EXOG: variants seen among roughly 807,000 people sequenced by gnomAD.
EXOG encodes exo/endonuclease G, also known as nuclease EXOG, mitochondrial.
EXOG carries 27 observed loss-of-function variants against 25.8 expected under a neutral mutation model. That is an observed-to-expected ratio of 1.05 (90% CI 0.77 to 1.45). The LOEUF (loss-of-function observed/expected upper bound fraction) is 1.45. Among genes scored for constraint, EXOG ranks in the 40% most tolerant of loss-of-function variants. The pLI is 0.00. For synonymous variants in EXOG, 133 were observed against 167.0 expected, an observed-to-expected ratio of 0.80 and a Z score of 1.57; for missense variants, 458 against 450.5, an observed-to-expected ratio of 1.02 and a Z score of -0.15.
intron 5 of EXOG, chr3:38,523,076 A>G (rs1156732907): frequency 6.2e-6 from 3 of 480,314 alleles, no homozygotes; most frequent in Non-Finnish European, 1.2e-5. Context: ...GATCCTGGAG[A>G]TGGTAATGTT....
intron 5 of EXOG, among the ~76,000 whole-genome samples, chr3:38,520,264 G>A (rs1158701199): frequency 6.6e-6 from 1 of 152,136 alleles, no homozygotes; most frequent in Non-Finnish European, 1.5e-5. Flanking sequence ...GCTCAGGCCA[G>A]TATATAAGAA....
intron 4 of EXOG, among the ~76,000 whole-genome samples, chr3:38,503,925 G>A (rs553046196): frequency 1.6e-4 from 24 of 152,284 alleles, no homozygotes; most frequent in African/African-American, 5.3e-4. Flanking sequence ...CTGTTCAAAA[G>A]TCAAGTTTTG....
chr3:38,520,951 A>G (rs1007721721), intron 5 of EXOG, among the ~76,000 whole-genome samples: 1 of 152,354 alleles, frequency 6.6e-6, no homozygotes, highest in Admixed American at 6.5e-5. Context: ...AAGTCTCCCA[A>G]TTTTTCCAAA....
In EXOG at chr3:38,524,450, T is replaced by G. The variant is rs1412224437; in HGVS notation, c.*88T>G. On this transcript the variant is annotated 3_prime_UTR_variant, in exon 6 of 6. Coordinates refer to ENST00000287675, the MANE Select transcript of EXOG (RefSeq NM_005107.4). ...ATATTTTAGTGGCTTTGCTTTTTGC[T>G]TTTTAAAAAGTTTTTCTCTTTAAGA... 6.8e-7 allele frequency: 1 copy of G among 1,472,084 alleles called. No individual in the cohort carries two copies. The highest frequency in any genetic ancestry group is 2.4e-5 in the East Asian group (1 of 41,174). The allele number at this position is 1,472,084 out of a possible 1,614,324, so 91.2% of individuals were successfully genotyped here.
chr3:38,524,412 T>A lies in EXOG; in HGVS notation c.*50T>A, dbSNP rs13317543. On this transcript the variant is annotated 3_prime_UTR_variant, in exon 6 of 6. Coordinates refer to ENST00000287675, the MANE Select transcript of EXOG (RefSeq NM_005107.4). Reference sequence around the variant, plus strand: ...CGTCTGTAATGAAGCAGGCATGCCCTCTTTAGGCTAACATATTTTAGTGGC... The same window carrying A: ...CGTCTGTAATGAAGCAGGCATGCCCACTTTAGGCTAACATATTTTAGTGGC... 2.9e-3 allele frequency: 4,484 copies of A among 1,523,164 alleles called. 109 individuals are homozygous for A. In the African/African-American group the frequency reaches 0.053, roughly 18 times the overall value. 94.4% of individuals were successfully genotyped at this position (1,523,164 alleles called of 1,614,324 possible).
At position 38,518,623 on chromosome 3, in the gene EXOG, T is replaced by G. The variant is rs2300671; in HGVS notation, c.646-5278T>G. Among the ~76,000 whole-genome samples the G allele has an allele frequency of 1.8e-4, 27 of 152,318 alleles. 1 individual carries two copies. Among genetic ancestry groups the G allele is most frequent in the Middle Eastern group, 3.4e-3 (1 of 294 alleles). ...ATACTCTGAACCTTATTTTAGGAAG[T>G]TGTACCCAATAAAAGGGTTTATTTA... On this transcript the variant is annotated intron_variant, in intron 5 of 5. Transcript: ENST00000287675.
Position 38,497,693 on chromosome 3 carries a change from TTACAC to T in EXOG, c.231_235del (p.Tyr77Ter). 1 of 1,611,448 alleles carries T rather than the reference TTACAC, an allele frequency of 6.2e-7. No homozygotes were observed. Among genetic ancestry groups the T allele is most frequent in the African/African-American group, 1.3e-5 (1 of 74,772 alleles). ...CTTTAACTGGAACAGAGGCAAGGTG[TTACAC>T]TAATCACGCTTTGTCTTATGATCAG... On this transcript the variant is annotated frameshift_variant, in exon 2 of 6. Transcript: ENST00000287675. LOFTEE classifies it high-confidence loss of function.
intron 5 of EXOG, among the ~76,000 whole-genome samples, chr3:38,522,532 T>C (rs1034486137): frequency 1.3e-5 from 2 of 152,222 alleles, no homozygotes; most frequent in African/African-American, 4.8e-5. Context: ...GAGATGGAGT[T>C]TCGCTCTTGT....
At chr3:38,509,303 CA>C (rs770480114) in intron 5 of EXOG, among the ~76,000 whole-genome samples, 7 of 152,076 alleles carry the variant, frequency 4.6e-5, no homozygotes, top group African/African-American at 1.7e-4. Flanking sequence ...AAAATTTGTA[CA>C]ATGTTTAAAA....
At chr3:38,512,497 T>C (rs972011473) in intron 5 of EXOG, among the ~76,000 whole-genome samples, 4 of 152,212 alleles carry the variant, frequency 2.6e-5, no homozygotes, top group Non-Finnish European at 5.9e-5. Flanking sequence ...ACTTTATCTC[T>C]ATAAAATTAT....
chr3:38,524,359 C>A lies in EXOG; in HGVS notation c.1104C>A (p.Ser368=). The change falls in exon 6 of 6, where the codon TCC becomes TCA. Residue 368 remains serine (S), a synonymous_variant. Coordinates refer to ENST00000287675, the MANE Select transcript of EXOG (RefSeq NM_005107.4). The part of the protein sequence containing the change: ...EQSGTQIRKP[S] ...CAGGAACCCAGATAAGAAAGCCATC[C>A]TAGTTTTTATCTCAAGATGTGTCAT... 1 of 1,596,830 alleles carries A rather than the reference C, an allele frequency of 6.3e-7. No homozygotes were observed. The highest frequency in any genetic ancestry group is 1.1e-5 in the South Asian group (1 of 87,914).
chr3:38,502,124 T>C (rs1177601676), intron 3 of EXOG, among the ~76,000 whole-genome samples: 1 of 152,184 alleles, frequency 6.6e-6, no homozygotes, highest in Non-Finnish European at 1.5e-5. Flanking sequence ...TTTCACCACG[T>C]TGGCCAGGCT....
intron 2 of EXOG, chr3:38,498,964 C>T: frequency 2.2e-6 from 1 of 456,626 alleles, no homozygotes. Flanking sequence ...ATCATTGTTT[C>T]TTCTCTCTCT....
At chr3:38,500,617 C>CT (rs1388474320) in intron 2 of EXOG, among the ~76,000 whole-genome samples, 1 of 152,168 alleles carries the variant, frequency 6.6e-6, no homozygotes, top group African/African-American at 2.4e-5. Flanking sequence ...GAATAACAGT[C>CT]TGAGTATGTT....
chr3:38,523,349 C>A (rs1575680476), intron 5 of EXOG: 1 of 1,221,322 alleles, frequency 8.2e-7, no homozygotes, highest in Non-Finnish European at 1.0e-6. Context: ...GACCCCTGAT[C>A]TTTGGGTTGG....
In EXOG at chr3:38,505,478, T is replaced by G. The variant is rs552513976; in HGVS notation, c.531-1376T>G. The G allele has an allele frequency of 4.6e-5, 7 of 152,312 alleles. No individual in the cohort carries two copies. In the South Asian group the frequency reaches 1.4e-3, roughly 32 times the overall value. The allele number at this position is 152,312 out of a possible 1,614,324, so 9.4% of individuals were successfully genotyped here. A position where few individuals can be genotyped will look rare whatever the true frequency, so the allele number is the denominator to read the frequency against. The stretch of plus-strand genomic sequence containing the variant: ...CCTATTAAAAATAATTTAAAAAAAT[T>G]TTTAAGGCCAGTCAAGTGAAGCAGT... On this transcript the variant is annotated intron_variant, in intron 4 of 5. Transcript: ENST00000287675.
At chr3:38,514,433 A>C (rs2125786014) in intron 5 of EXOG, among the ~76,000 whole-genome samples, 1 of 152,330 alleles carries the variant, frequency 6.6e-6, no homozygotes, top group East Asian at 1.9e-4. Flanking sequence ...GTGAATATAG[A>C]CAGGAGAGAA....
At chr3:38,512,384 C>G (rs901977559) in intron 5 of EXOG, among the ~76,000 whole-genome samples, 11 of 152,162 alleles carry the variant, frequency 7.2e-5, no homozygotes, top group African/African-American at 2.2e-4. Flanking sequence ...TACTCCTTAT[C>G]CCACTGTCCA....
intron 2 of EXOG, 42 bp from the exon 3 acceptor site, chr3:38,501,313 T>G: frequency 6.3e-7 from 1 of 1,588,806 alleles, no homozygotes; most frequent in Non-Finnish European, 8.6e-7. Flanking sequence ...TGAGGGACAT[T>G]TGTCTACTGA....
Sources: gnomAD v4.1 joint callset for allele counts (sites outside exome capture counted in the v4.1 genomes callset) on GRCh38, gnomAD v4.1.1 for gene constraint, MANE v1.5 for transcripts, NCBI Gene and HGNC (gene_info 2026-07-23, HGNC 2026-07-21) for gene names.